SLC24A2: variants seen among roughly 807,000 people sequenced by gnomAD.
The protein encoded by SLC24A2 is solute carrier family 24 member 2.
SLC24A2 carries 36 observed loss-of-function variants against 62.0 expected under a neutral mutation model. That is an observed-to-expected ratio of 0.58 (90% CI 0.44 to 0.77). The LOEUF is 0.77. Ranked by LOEUF, SLC24A2 falls within the 30% of genes least tolerant of loss-of-function variation. The probability of loss-of-function intolerance (pLI) is 0.00; values close to 1 mark genes in which losing one functional copy is unlikely to be tolerated. For missense variants in SLC24A2, 846 were observed against 817.9 expected, an observed-to-expected ratio of 1.03 and a Z score of -0.42; for synonymous variants, 358 against 294.0, an observed-to-expected ratio of 1.22 and a Z score of -2.23.
the SLC24A2 span, among the ~76,000 whole-genome samples, chr9:20,113,873 G>C: frequency 6.6e-6 from 1 of 152,014 alleles, no homozygotes; most frequent in African/African-American, 2.4e-5. Flanking sequence ...AACAACTAAA[G>C]CAATCAGAAA....
At position 19,670,973 on chromosome 9, in the gene SLC24A2, A is replaced by C. The variant is rs377611176; in HGVS notation, c.931-48674T>G. Among the ~76,000 whole-genome samples, 4 of 146,280 alleles carry C rather than the reference A, an allele frequency of 2.7e-5. No individual in the cohort carries two copies. The East Asian group carries it at 8.8e-4, about 32-fold the overall frequency. On this transcript the variant is annotated intron_variant, in intron 2 of 10. Transcript: ENST00000341998. ...TTAGAATGGGGTTAATTCTGTGATC[A>C]TTTACTATTTACAAGGAGGTTTGAT...
chr9:20,291,316 C>T, the SLC24A2 span, among the ~76,000 whole-genome samples: 2 of 152,040 alleles, frequency 1.3e-5, no homozygotes, highest in African/African-American at 4.8e-5. Context: ...TCAAGAAAGG[C>T]TTGCAGAGAG....
the SLC24A2 span, among the ~76,000 whole-genome samples, chr9:19,954,501 G>A: frequency 8.7e-4 from 132 of 152,164 alleles, no homozygotes; most frequent in Admixed American, 2.5e-3. Flanking sequence ...AGGGAGGCAT[G>A]TTTCCCCAGG....
chr9:19,977,356 G>A, the SLC24A2 span, among the ~76,000 whole-genome samples: 1 of 152,012 alleles, frequency 6.6e-6, no homozygotes, highest in Non-Finnish European at 1.5e-5. Context: ...ATATTAGAGT[G>A]GGTGGCTTGG....
chr9:20,058,581 C>T, the SLC24A2 span, among the ~76,000 whole-genome samples: 1 of 151,918 alleles, frequency 6.6e-6, no homozygotes, highest in Admixed American at 6.6e-5. Flanking sequence ...ATGACTCCCC[C>T]ATGTAAAACC....
chr9:19,546,816 G>A (rs1357336524), intron 8 of SLC24A2, among the ~76,000 whole-genome samples: 1 of 152,132 alleles, frequency 6.6e-6, no homozygotes, highest in Non-Finnish European at 1.5e-5. Context: ...TTGAAACCCA[G>A]GACACTGGAG....
At position 19,516,079 on chromosome 9, in the gene SLC24A2, A is replaced by G; in HGVS notation, c.*74T>C. The G allele has an allele frequency of 1.3e-6, 2 of 1,590,616 alleles. No homozygotes were observed. Among genetic ancestry groups the G allele is most frequent in the East Asian group, 2.2e-5 (1 of 44,744 alleles). On this transcript the variant is annotated 3_prime_UTR_variant, in exon 11 of 11. Transcript: ENST00000341998. ...GCTGTGTGCCAGCTGCCTCTTCTCA[A>G]GAGGTCAAGGAGCCCAGAGCCCAGA...
At chr9:20,237,409 T>G in the SLC24A2 span, among the ~76,000 whole-genome samples, 8 of 152,138 alleles carry the variant, frequency 5.3e-5, no homozygotes, top group African/African-American at 1.7e-4. Flanking sequence ...GGCAGAGCAG[T>G]GTTGGGGCCC....
chr9:19,721,380 T>C (rs1475687302), intron 2 of SLC24A2, among the ~76,000 whole-genome samples: 1 of 152,160 alleles, frequency 6.6e-6, no homozygotes, highest in Non-Finnish European at 1.5e-5. Flanking sequence ...TAGAGGAATT[T>C]TTGTGTGTAT....
the SLC24A2 span, among the ~76,000 whole-genome samples, chr9:20,227,325 C>T: frequency 1.3e-5 from 2 of 152,060 alleles, no homozygotes; most frequent in East Asian, 1.9e-4. Flanking sequence ...CCTCACTTTT[C>T]TTCAGAGCCA....
the SLC24A2 span, among the ~76,000 whole-genome samples, chr9:20,103,399 G>T: frequency 1.3e-5 from 2 of 152,208 alleles, no homozygotes; most frequent in East Asian, 3.8e-4. Flanking sequence ...GCCTCCTCAA[G>T]TGGGTCCCTG....
the SLC24A2 span, among the ~76,000 whole-genome samples, chr9:20,205,895 G>C: frequency 1.3e-5 from 2 of 151,990 alleles, no homozygotes. Flanking sequence ...TGATGAAGTC[G>C]ACAATGATAT....
At chr9:20,152,212 G>A in the SLC24A2 span, among the ~76,000 whole-genome samples, 1 of 151,856 alleles carries the variant, frequency 6.6e-6, no homozygotes, top group Non-Finnish European at 1.5e-5. Flanking sequence ...ATATGAAGAG[G>A]GAGATTTATA....
chr9:19,565,361 C>A (rs1835605346), intron 7 of SLC24A2, among the ~76,000 whole-genome samples: 1 of 148,430 alleles, frequency 6.7e-6, no homozygotes, highest in East Asian at 1.9e-4. Context: ...AACTCCCATT[C>A]ACAATTGCTT....
chr9:20,019,247 AGGAAAG>A, the SLC24A2 span, among the ~76,000 whole-genome samples: 10 of 99,342 alleles, frequency 1.0e-4, no homozygotes, highest in African/African-American at 2.6e-4. Flanking sequence ...AAAAGAAAGA[AGGAAAG>A]AGAAAGAAAG....
At chr9:20,170,689 A>G in the SLC24A2 span, among the ~76,000 whole-genome samples, 5 of 152,048 alleles carry the variant, frequency 3.3e-5, no homozygotes, top group South Asian at 1.0e-3. Context: ...GGAAGTTAGC[A>G]GACTAAATCT....
the SLC24A2 span, among the ~76,000 whole-genome samples, chr9:20,079,837 C>T: frequency 5.3e-5 from 8 of 152,110 alleles, no homozygotes; most frequent in East Asian, 3.9e-4. Context: ...TGGGCTGAGA[C>T]GATGGGGTTT....
the SLC24A2 span, among the ~76,000 whole-genome samples, chr9:20,056,103 T>C: frequency 1.3e-5 from 2 of 152,268 alleles, no homozygotes; most frequent in Non-Finnish European, 2.9e-5. Context: ...AAAATGGTAA[T>C]AGTACCTATC....
chr9:19,897,424 G>A, the SLC24A2 span, among the ~76,000 whole-genome samples: 1 of 151,906 alleles, frequency 6.6e-6, no homozygotes, highest in Non-Finnish European at 1.5e-5. Context: ...AGCTTACATA[G>A]AATCCTTTAA....
Sources: allele counts gnomAD v4.1 joint callset (sites outside exome capture counted in the v4.1 genomes callset), GRCh38; gene constraint gnomAD v4.1.1; transcripts MANE v1.5; gene names NCBI Gene and HGNC (gene_info 2026-07-23, HGNC 2026-07-21).